GPR155: variants seen among roughly 807,000 people sequenced by gnomAD.
The protein encoded by GPR155 is lysosomal cholesterol signaling protein.
In GPR155, 65 loss-of-function variants were observed where a neutral mutation model predicts 93.1. That is an observed-to-expected ratio of 0.70 (90% CI 0.57 to 0.86). The LOEUF (loss-of-function observed/expected upper bound fraction) is 0.86. GPR155 is among the 40% of genes least tolerant of loss of function. GPR155 has a pLI of 0.00. For missense variants in GPR155, 838 were observed against 1,034.8 expected (o/e 0.81, Z 2.61); for synonymous variants, 319 against 360.1 (o/e 0.89, Z 1.29).
intron 11 of GPR155, among the ~76,000 whole-genome samples, chr2:174,450,235 T>C (rs1430140382): frequency 6.6e-6 from 1 of 151,948 alleles, no homozygotes; most frequent in Non-Finnish European, 1.5e-5. Context: ...GAAAACCAAG[T>C]GCTGCATGTG....
chr2:174,459,894 G>C lies in GPR155; in HGVS notation c.1755C>G (p.Ser585Arg). 1 of 1,606,570 alleles carries C rather than the reference G, an allele frequency of 6.2e-7. No individual in the cohort carries two copies. Among genetic ancestry groups the C allele is most frequent in the Non-Finnish European group, 8.5e-7 (1 of 1,173,270 alleles). Residue 585 changes from serine (S) to arginine (R), a missense_variant, in exon 10 of 16, where the codon AGC (serine) becomes AGG (arginine). Ser to Arg is a moderately radical substitution (Grantham distance 110, BLOSUM62 -1). Transcript: ENST00000392552. ...AGATCATACTTGTTTCTGGAATAGAGCTTGTAAAAAGTTCTGGTTCATTTA... is the reference window on the plus strand; with the variant it reads ...AGATCATACTTGTTTCTGGAATAGACCTTGTAAAAAGTTCTGGTTCATTTA... Reference protein sequence around the residue: ...APVNEPELFTSSIPETSCCSC... With the variant: ...APVNEPELFTRSIPETSCCSC...
intron 11 of GPR155, among the ~76,000 whole-genome samples, chr2:174,448,528 T>TG (rs763099419): frequency 2.2e-5 from 2 of 91,156 alleles, no homozygotes; most frequent in African/African-American, 3.8e-5. Flanking sequence ...TTTTTGTTTT[T>TG]TGTTTTTTTT....
At chr2:174,459,675 T>A (rs2105705204) in intron 10 of GPR155, among the ~76,000 whole-genome samples, 1 of 152,250 alleles carries the variant, frequency 6.6e-6, no homozygotes, top group South Asian at 2.1e-4. Flanking sequence ...CGAAACCCCA[T>A]CTCTACTAAA....
Position 174,473,259 on chromosome 2 carries a change from T to C in GPR155, c.566A>G (p.Glu189Gly). 6.2e-7 allele frequency: 1 copy of C among 1,613,424 alleles called. No homozygotes were observed. Among genetic ancestry groups the C allele is most frequent in the Non-Finnish European group, 8.5e-7 (1 of 1,179,452 alleles). The change falls in exon 3 of 16, where the codon GAA becomes GGA. Residue 189 changes from glutamate to glycine, a missense_variant. Coordinates refer to ENST00000392552, the MANE Select transcript of GPR155 (RefSeq NM_152529.7). ...TTGAGTGTCTTTCCACTTTTGGATT[T>C]CACAGAAAATAAACCCTATAGGGTT... ...MLNPIGFIFC[E>G]IQKWKDTQNA... is the part of the protein sequence containing the mutation.
At chr2:174,485,362 C>T (rs1329614046) in intron 1 of GPR155, among the ~76,000 whole-genome samples, 1 of 152,012 alleles carries the variant, frequency 6.6e-6, no homozygotes, top group Non-Finnish European at 1.5e-5. Context: ...TCTGGGAGGT[C>T]GAGGCGGGCG....
intron 2 of GPR155, among the ~76,000 whole-genome samples, chr2:174,481,188 T>C (rs907271316): frequency 8.5e-5 from 13 of 152,378 alleles, no homozygotes; most frequent in Middle Eastern, 3.4e-3. Flanking sequence ...TCTACTTTTT[T>C]AACATAATTT....
In GPR155 at chr2:174,453,663, AAAAAG is replaced by A. The variant is rs1296720013; in HGVS notation, c.1876+69_1876+73del. 240 of 625,838 alleles carry A rather than the reference AAAAAG, an allele frequency of 3.8e-4. 9 individuals carry two copies. The highest frequency in any genetic ancestry group is 1.4e-3 in the South Asian group (84 of 59,840). 38.8% of individuals were successfully genotyped at this position (625,838 alleles called of 1,614,324 possible). The stretch of plus-strand genomic sequence containing the variant: ...TGACAGAGCAAGACTCCGTCTCAAA[AAAAAG>A]AAAAAAAAAAAAAAGAATAAGGAAT... On this transcript the variant is annotated intron_variant, in intron 11 of 15. Coordinates refer to ENST00000392552, the MANE Select transcript of GPR155 (RefSeq NM_152529.7).
intron 13 of GPR155, among the ~76,000 whole-genome samples, chr2:174,443,944 T>G (rs1302432242): frequency 6.6e-6 from 1 of 152,172 alleles, no homozygotes; most frequent in East Asian, 1.9e-4. Flanking sequence ...TGTCATGATG[T>G]TTAAATGAGA....
At chr2:174,438,663 A>T (rs906451596) in intron 15 of GPR155, among the ~76,000 whole-genome samples, 25 of 152,102 alleles carry the variant, frequency 1.6e-4, no homozygotes, top group African/African-American at 6.0e-4. Flanking sequence ...GCCCGCCAAC[A>T]CACCCGGCTA....
rs966660402 is a variant in GPR155 at position 174,436,331 on chromosome 2, C to T, written c.2398G>A (p.Gly800Ser). ...CTGTCTCCGTATATCACAGCTTCAC[C>T]ACGGTCGGAGGCAAGGCCGACTTCA... ...LIEVGLASDR[G>S]EAVIYGDRLV... The change falls in exon 16 of 16, where the codon GGT becomes AGT. Residue 800 changes from glycine to serine, a missense_variant. Gly to Ser is a moderately conservative substitution (Grantham distance 56). Coordinates refer to ENST00000392552, the MANE Select transcript of GPR155 (RefSeq NM_152529.7). 2.5e-6 allele frequency: 4 copies of T among 1,614,192 alleles called. No homozygotes were observed. The highest frequency in any genetic ancestry group is 3.4e-6 in the Non-Finnish European group (4 of 1,180,010).
chr2:174,464,289 GA>G (rs983535354), intron 7 of GPR155, among the ~76,000 whole-genome samples: 29 of 152,058 alleles, frequency 1.9e-4, no homozygotes, highest in Admixed American at 2.6e-4. Flanking sequence ...ATGCATATTT[GA>G]AAAAAACTAA....
intron 2 of GPR155, 112 bp downstream of exon 2, chr2:174,481,385 A>G: frequency 6.1e-6 from 4 of 658,508 alleles, no homozygotes; most frequent in Non-Finnish European, 1.0e-5. Flanking sequence ...GACATATTTG[A>G]GAAAAAAATG....
In GPR155 at chr2:174,432,575, C is replaced by A. The variant is rs889399181; in HGVS notation, c.*3541G>T. ...AAATCTCCTGGTAACAGCAATGAGGCCTTAGACTTACCCTTGAGCATTCAG... is the reference window on the plus strand; with the variant it reads ...AAATCTCCTGGTAACAGCAATGAGGACTTAGACTTACCCTTGAGCATTCAG... On this transcript the variant is annotated 3_prime_UTR_variant, in exon 16 of 16. Coordinates refer to ENST00000392552, the MANE Select transcript of GPR155 (RefSeq NM_152529.7). The A allele has an allele frequency of 3.3e-5, 5 of 152,026 alleles. No individual in the cohort carries two copies. The highest frequency in any genetic ancestry group is 9.7e-5 in the African/African-American group (4 of 41,386). 9.4% of individuals were successfully genotyped at this position (152,026 alleles called of 1,614,324 possible).
At chr2:174,474,792 G>T (rs1194051047) in intron 2 of GPR155, among the ~76,000 whole-genome samples, 2 of 151,994 alleles carry the variant, frequency 1.3e-5, no homozygotes, top group African/African-American at 4.8e-5. Context: ...TAGACGTGAG[G>T]GTTGGTGACC....
chr2:174,462,338 T>C (rs762131806), intron 7 of GPR155, among the ~76,000 whole-genome samples: 1 of 151,952 alleles, frequency 6.6e-6, no homozygotes, highest in African/African-American at 2.4e-5. Context: ...TTAGACAGAG[T>C]CTTACTCCGT....
intron 11 of GPR155, among the ~76,000 whole-genome samples, chr2:174,448,616 C>T (rs1231047362): frequency 6.8e-6 from 1 of 146,334 alleles, no homozygotes; most frequent in Non-Finnish European, 1.5e-5. Flanking sequence ...CGGCTCACTG[C>T]AAGCTCCGCT....
At position 174,453,784 on chromosome 2, in the gene GPR155, A is replaced by C; in HGVS notation, c.1829T>G (p.Ile610Arg). Reference sequence around the variant, plus strand: ...AGGCTCACTGGTGCTTGTGTTTGCTATTGGCTCTATTGATGGGCAGTGTAA... The same window carrying C: ...AGGCTCACTGGTGCTTGTGTTTGCTCTTGGCTCTATTGATGGGCAGTGTAA... ...GELHCPSIEP[I>R]ANTSTSEPVI... The change falls in exon 11 of 16, where the codon ATA becomes AGA. Residue 610 changes from isoleucine (I) to arginine (R), a missense_variant. This residue lies in a region of GPR155 where 663 missense variants were observed against 790.1 expected (regional missense o/e 0.84). Coordinates refer to ENST00000392552, the MANE Select transcript of GPR155 (RefSeq NM_152529.7). 6.2e-7 allele frequency: 1 copy of C among 1,613,362 alleles called. No homozygotes were observed. The highest frequency in any genetic ancestry group is 2.2e-5 in the East Asian group (1 of 44,854).
intron 3 of GPR155, among the ~76,000 whole-genome samples, chr2:174,472,708 G>A (rs997945674): frequency 5.3e-5 from 8 of 152,160 alleles, no homozygotes; most frequent in Non-Finnish European, 1.5e-5. Flanking sequence ...AGGAGATACT[G>A]AGTAAACTTT....
intron 13 of GPR155, among the ~76,000 whole-genome samples, chr2:174,444,798 A>G (rs1004500783): frequency 2.0e-5 from 3 of 152,054 alleles, no homozygotes; most frequent in Admixed American, 1.3e-4. Flanking sequence ...GCCCGGTCCC[A>G]ATGTGACTTA....
Sources: allele counts gnomAD v4.1 joint callset (sites outside exome capture counted in the v4.1 genomes callset), GRCh38; gene constraint gnomAD v4.1.1; regional missense constraint gnomAD v4.1.1; transcripts MANE v1.5; gene names NCBI Gene and HGNC (gene_info 2026-07-23, HGNC 2026-07-21).